Variants in HECW1 observed in about 807,000 individuals in gnomAD.
The protein encoded by HECW1 is E3 ubiquitin-protein ligase HECW1.
HECW1 carries 61 observed loss-of-function variants against 182.3 expected under a neutral mutation model. The ratio of observed to expected loss-of-function variants is 0.33; its 90% CI spans 0.27 to 0.41. HECW1 has a LOEUF of 0.41. Ranked by LOEUF, HECW1 falls within the 10% of genes least tolerant of loss-of-function variation. HECW1 has a pLI of 1.00. For missense variants in HECW1, 1,739 were observed against 2,108.9 expected, an observed-to-expected ratio of 0.82 and a Z score of 3.44; for synonymous variants, 859 against 832.6, an observed-to-expected ratio of 1.03 and a Z score of -0.55.
At chr7:43,296,277 G>A (rs894989610) in intron 3 of HECW1, among the ~76,000 whole-genome samples, 6 of 152,064 alleles carry the variant, frequency 3.9e-5, no homozygotes, top group African/African-American at 1.4e-4. Context: ...CATAATTATG[G>A]GGCCTTGCTG....
intron 2 of HECW1, among the ~76,000 whole-genome samples, chr7:43,148,107 C>T (rs2152641050): frequency 6.6e-6 from 1 of 152,114 alleles, no homozygotes; most frequent in South Asian, 2.1e-4. Context: ...GTAGGGAGTG[C>T]CCTTGAATTC....
At chr7:43,331,828 T>A (rs937798658) in intron 5 of HECW1, among the ~76,000 whole-genome samples, 3 of 152,078 alleles carry the variant, frequency 2.0e-5, no homozygotes, top group Admixed American at 6.6e-5. Context: ...GGATTTGAGG[T>A]CAGGATTATC....
chr7:43,541,150 G>T lies in HECW1; in HGVS notation c.4020-13G>T. 1 of 1,603,484 alleles carries T rather than the reference G, an allele frequency of 6.2e-7. No individual in the cohort carries two copies. The highest frequency in any genetic ancestry group is 8.5e-7 in the Non-Finnish European group (1 of 1,170,388). Reference sequence around the variant, plus strand: ...TTCCACTTACCGATTTCTCTGCCTTGTCTGTGTTCCAGGTTCAGGTTTAGC... The same window carrying T: ...TTCCACTTACCGATTTCTCTGCCTTTTCTGTGTTCCAGGTTCAGGTTTAGC... On this transcript the variant is annotated splice_polypyrimidine_tract_variant and intron_variant, in intron 24 of 29. Coordinates refer to ENST00000395891, the MANE Select transcript of HECW1 (RefSeq NM_015052.5).
At chr7:43,250,103 AT>A (rs3214213) in intron 3 of HECW1, among the ~76,000 whole-genome samples, 23,627 of 151,666 alleles carry the variant, frequency 0.16, 3,087 homozygotes, top group African/African-American at 0.36. Flanking sequence ...TCTCTTGCAG[AT>A]TTTTTTTAAC....
intron 3 of HECW1, among the ~76,000 whole-genome samples, chr7:43,302,707 C>T (rs555316456): frequency 6.6e-6 from 1 of 152,184 alleles, no homozygotes; most frequent in Non-Finnish European, 1.5e-5. Flanking sequence ...GCGCCTTGGG[C>T]CCCTGGAGCC....
At position 43,508,099 on chromosome 7, in the gene HECW1, C is replaced by G. The variant is rs1438880550; in HGVS notation, c.3834C>G (p.Asn1278Lys). 6.2e-7 allele frequency: 1 copy of G among 1,613,878 alleles called. No homozygotes were observed. Among genetic ancestry groups the G allele is most frequent in the African/African-American group, 1.3e-5 (1 of 75,042 alleles). ...ATTCGCGGAAAGAGCTCCAGCGAAACAAGCTCTACGTCACCTTTGTTGGAG... is the reference window on the plus strand; with the variant it reads ...ATTCGCGGAAAGAGCTCCAGCGAAAGAAGCTCTACGTCACCTTTGTTGGAG... The part of the protein sequence containing the change: ...MAYSRKELQR[N>K]KLYVTFVGEE... The change falls in exon 23 of 30, where the codon AAC becomes AAG. Residue 1278 changes from asparagine (N) to lysine (K), a missense_variant. Transcript: ENST00000395891.
chr7:43,187,346 T>C (rs933931308), intron 2 of HECW1, among the ~76,000 whole-genome samples: 7 of 152,064 alleles, frequency 4.6e-5, no homozygotes, highest in African/African-American at 1.7e-4. Flanking sequence ...GTGGAGGAAA[T>C]TGGGCTCCAC....
chr7:43,180,292 TA>T (rs1444734866), intron 2 of HECW1, among the ~76,000 whole-genome samples: 2 of 116,658 alleles, frequency 1.7e-5, no homozygotes, highest in Non-Finnish European at 3.5e-5. Flanking sequence ...CCACTCCTTT[TA>T]ATGGTTGGAG....
chr7:43,246,490 G>A (rs886495500), intron 3 of HECW1, among the ~76,000 whole-genome samples: 10 of 152,154 alleles, frequency 6.6e-5, no homozygotes, highest in African/African-American at 1.2e-4. Flanking sequence ...AGCTCTGCAC[G>A]TGAAGCCTGT....
At chr7:43,174,324 G>C (rs1562631490) in intron 2 of HECW1, among the ~76,000 whole-genome samples, 1 of 152,194 alleles carries the variant, frequency 6.6e-6, no homozygotes, top group Non-Finnish European at 1.5e-5. Flanking sequence ...TTATCAGCCT[G>C]GGTTTTCTGG....
chr7:43,523,025 T>C (rs1479077301), intron 24 of HECW1: 5 of 447,290 alleles, frequency 1.1e-5, no homozygotes, highest in African/African-American at 6.1e-5. Flanking sequence ...TGTTTTGAGA[T>C]GGAATTTCGC....
chr7:43,432,474 A>G lies in HECW1; in HGVS notation c.802-5529A>G, dbSNP rs2076584672. 6.6e-6 allele frequency among the ~76,000 whole-genome samples: 1 copy of G among 152,162 alleles called. No homozygotes were observed. Among genetic ancestry groups the G allele is most frequent in the African/African-American group, 2.4e-5 (1 of 41,440 alleles). ...TTTTTTAAGACTCAGTTAAAGCATT[A>G]TGTTCTCTAGGAAATCGTCTCTACC... On this transcript the variant is annotated intron_variant, in intron 8 of 29. Transcript: ENST00000395891. This position sits in a 1 kb window ranked among gnomAD's most constrained non-coding sequence, Gnocchi z 4.1.
intron 2 of HECW1, among the ~76,000 whole-genome samples, chr7:43,216,944 C>A (rs891061917): frequency 2.6e-5 from 4 of 152,158 alleles, no homozygotes; most frequent in Non-Finnish European, 4.4e-5. Flanking sequence ...CGTGAGCCAC[C>A]ACTCCCAGCT....
chr7:43,221,066 A>C (rs1357390552), intron 2 of HECW1, among the ~76,000 whole-genome samples: 1 of 152,192 alleles, frequency 6.6e-6, no homozygotes, highest in Admixed American at 6.5e-5. Flanking sequence ...TGTTTTAAAG[A>C]ATCTTTCTTC....
chr7:43,552,215 A>G lies in HECW1; in HGVS notation c.4396-7A>G, dbSNP rs745944866. On this transcript the variant is annotated splice_polypyrimidine_tract_variant and splice_region_variant and intron_variant, in intron 27 of 29. Transcript: ENST00000395891. The stretch of plus-strand genomic sequence containing the variant: ...ACCTGGATGCTGAAGCCTAACCTGC[A>G]TTTCAGGTTGTAGACTCGAGGCTGG... The G allele has an allele frequency of 2.5e-6, 4 of 1,591,146 alleles. No homozygotes were observed. The Admixed American group carries it at 6.7e-5, about 27-fold the overall frequency.
At chr7:43,478,076 T>A (rs1000605329) in intron 16 of HECW1, among the ~76,000 whole-genome samples, 3 of 152,218 alleles carry the variant, frequency 2.0e-5, no homozygotes, top group Non-Finnish European at 4.4e-5. Flanking sequence ...AATGTTGCCA[T>A]ATATTGGAAT....
chr7:43,155,434 T>G (rs1789778215), intron 2 of HECW1, among the ~76,000 whole-genome samples: 1 of 152,088 alleles, frequency 6.6e-6, no homozygotes. Context: ...TTGGTTAAAA[T>G]CCAAGATGAA....
intron 6 of HECW1, among the ~76,000 whole-genome samples, chr7:43,382,306 AT>A: frequency 6.6e-6 from 1 of 151,864 alleles, no homozygotes; most frequent in Non-Finnish European, 1.5e-5. Flanking sequence ...AAAAAAAAAA[AT>A]AGAAGCCCCT....
intron 3 of HECW1, among the ~76,000 whole-genome samples, chr7:43,283,518 C>G (rs1804203633): frequency 6.6e-6 from 1 of 151,862 alleles, no homozygotes; most frequent in African/African-American, 2.4e-5. Context: ...TCAAATGAAC[C>G]AATATAAATA....
Sources: allele counts gnomAD v4.1 joint callset (sites outside exome capture counted in the v4.1 genomes callset), GRCh38; gene constraint gnomAD v4.1.1; non-coding constraint Gnocchi (gnomAD v3.1); transcripts MANE v1.5; gene names NCBI Gene and HGNC (gene_info 2026-07-23, HGNC 2026-07-21).